UST: variants seen among roughly 807,000 people sequenced by gnomAD.
The protein encoded by UST is chondroitin sulfate 2-O-sulfotransferase.
UST carries 21 observed loss-of-function variants against 45.6 expected under a neutral mutation model. That is an observed-to-expected ratio of 0.46 (90% CI 0.33 to 0.66). The LOEUF (loss-of-function observed/expected upper bound fraction) is 0.66. UST is among the 30% of genes least tolerant of loss of function. UST has a pLI of 0.02. For synonymous variants in UST, 215 were observed against 200.6 expected (o/e 1.07, Z -0.61); for missense variants, 463 against 512.4 (o/e 0.90, Z 0.93).
At chr6:148,977,641 A>G (rs971395587) in intron 5 of UST, among the ~76,000 whole-genome samples, 3 of 151,074 alleles carry the variant, frequency 2.0e-5, no homozygotes, top group Non-Finnish European at 4.4e-5. Context: ...AGTCCCAGCT[A>G]CTCGGGAGGC....
At chr6:148,926,009 A>G (rs1281624673) in intron 2 of UST, among the ~76,000 whole-genome samples, 2 of 152,236 alleles carry the variant, frequency 1.3e-5, no homozygotes, top group Non-Finnish European at 2.9e-5. Flanking sequence ...TATTTATAAC[A>G]AACATTTCTT....
chr6:148,903,610 A>G (rs1779301493), intron 2 of UST, among the ~76,000 whole-genome samples: 5 of 152,232 alleles, frequency 3.3e-5, no homozygotes, highest in Admixed American at 3.3e-4. Flanking sequence ...TAATGGGGAC[A>G]GACAGTTTGA....
intron 1 of UST, among the ~76,000 whole-genome samples, chr6:148,858,249 C>T (rs1450276833): frequency 6.6e-6 from 1 of 152,170 alleles, no homozygotes; most frequent in Non-Finnish European, 1.5e-5. Flanking sequence ...AGGAAGCCTA[C>T]AGTACAGCCT....
intron 2 of UST, among the ~76,000 whole-genome samples, chr6:148,911,341 G>A (rs993764322): frequency 1.6e-4 from 24 of 152,104 alleles, no homozygotes; most frequent in African/African-American, 4.3e-4. Context: ...CATTATCTGC[G>A]ATTTCTGTCA....
At chr6:149,037,935 G>A (rs1776259617) in intron 7 of UST, among the ~76,000 whole-genome samples, 1 of 152,166 alleles carries the variant, frequency 6.6e-6, no homozygotes, top group Non-Finnish European at 1.5e-5. Flanking sequence ...CCACTCCTAA[G>A]GCATCTGGGG....
chr6:148,774,461 A>G (rs1263989737), intron 1 of UST, among the ~76,000 whole-genome samples: 1 of 152,144 alleles, frequency 6.6e-6, no homozygotes, highest in African/African-American at 2.4e-5. Context: ...TAATCTTAAT[A>G]ATAACTCAAA....
intron 1 of UST, among the ~76,000 whole-genome samples, chr6:148,832,242 C>T (rs1245356750): frequency 6.6e-6 from 1 of 152,178 alleles, no homozygotes; most frequent in African/African-American, 2.4e-5. Context: ...CCACCTGCCT[C>T]GGCCTCCCAA....
Position 149,021,495 on chromosome 6 carries a change from T to C in UST, c.937+14T>C, listed in dbSNP as rs374501736. 1.4e-5 allele frequency: 22 copies of C among 1,613,786 alleles called. No homozygotes were observed. Among genetic ancestry groups the C allele is most frequent in the East Asian group, 1.3e-4 (6 of 44,876 alleles). ...ACAAAGACCCAGGTAACTTCATTTGTAAGCAAGCTCTTCTCCATGAGAGGT... is the reference window on the plus strand; with the variant it reads ...ACAAAGACCCAGGTAACTTCATTTGCAAGCAAGCTCTTCTCCATGAGAGGT... On this transcript the variant is annotated intron_variant, in intron 7 of 7. Coordinates refer to ENST00000367463, the MANE Select transcript of UST (RefSeq NM_005715.3).
intron 7 of UST, among the ~76,000 whole-genome samples, chr6:149,070,911 G>A (rs554926848): frequency 6.6e-6 from 1 of 151,454 alleles, no homozygotes; most frequent in South Asian, 2.1e-4. Context: ...GGGACTACAG[G>A]TGCATGCCAC....
chr6:148,749,469 A>T (rs1008576949), intron 1 of UST, among the ~76,000 whole-genome samples: 1 of 151,986 alleles, frequency 6.6e-6, no homozygotes, highest in African/African-American at 2.4e-5. Flanking sequence ...ATCTGTGCTC[A>T]TTGTCCTCAA....
At chr6:148,777,500 G>T (rs1776558174) in intron 1 of UST, among the ~76,000 whole-genome samples, 1 of 152,142 alleles carries the variant, frequency 6.6e-6, no homozygotes. Flanking sequence ...TCTGATGGTG[G>T]TCTCATAAGA....
intron 1 of UST, among the ~76,000 whole-genome samples, chr6:148,862,091 G>A (rs1778328172): frequency 6.6e-6 from 1 of 152,222 alleles, no homozygotes; most frequent in African/African-American, 2.4e-5. Flanking sequence ...AATGTTGACA[G>A]TGGGGTGTTA....
intron 1 of UST, among the ~76,000 whole-genome samples, chr6:148,831,464 A>G (rs1340318695): frequency 6.6e-6 from 1 of 152,156 alleles, no homozygotes; most frequent in Non-Finnish European, 1.5e-5. Context: ...GTTATCACTT[A>G]TAGAATCCCT....
chr6:148,953,642 G>A (rs1013852192), intron 3 of UST, among the ~76,000 whole-genome samples: 13 of 151,938 alleles, frequency 8.6e-5, no homozygotes, highest in Admixed American at 3.3e-4. Flanking sequence ...GTGGTGGCGG[G>A]CGCCTGTAGT....
intron 1 of UST, among the ~76,000 whole-genome samples, chr6:148,883,241 G>A (rs1255996599): frequency 2.0e-5 from 3 of 152,298 alleles, no homozygotes; most frequent in South Asian, 2.1e-4. Context: ...TTTAACTGTT[G>A]AGTCAAAGGT....
intron 1 of UST, among the ~76,000 whole-genome samples, chr6:148,769,040 T>G (rs1183328921): frequency 1.3e-5 from 2 of 152,256 alleles, no homozygotes; most frequent in Non-Finnish European, 2.9e-5. Flanking sequence ...ATTGCCCATG[T>G]GCAGGATTGG....
chr6:148,815,639 T>C (rs1243219057), intron 1 of UST, among the ~76,000 whole-genome samples: 1 of 152,174 alleles, frequency 6.6e-6, no homozygotes, highest in African/African-American at 2.4e-5. Context: ...ATCATTGCCA[T>C]TAAATATGAA....
At chr6:148,885,891 A>G (rs907513278) in intron 1 of UST, among the ~76,000 whole-genome samples, 1 of 152,184 alleles carries the variant, frequency 6.6e-6, no homozygotes, top group Non-Finnish European at 1.5e-5. Context: ...ACTGTTCTCT[A>G]GAGGTATTCT....
At chr6:148,818,847 T>C (rs1207628317) in intron 1 of UST, among the ~76,000 whole-genome samples, 1 of 152,166 alleles carries the variant, frequency 6.6e-6, no homozygotes, top group African/African-American at 2.4e-5. Flanking sequence ...ACACAGAGGA[T>C]TATCTTGAAA....
Sources: gnomAD v4.1 joint callset for allele counts (sites outside exome capture counted in the v4.1 genomes callset) on GRCh38, gnomAD v4.1.1 for gene constraint, MANE v1.5 for transcripts, NCBI Gene and HGNC (gene_info 2026-07-23, HGNC 2026-07-21) for gene names.